The following SLC17A3 variants were observed in gnomAD, a reference collection of about 807,000 sequenced individuals.
SLC17A3 encodes the protein solute carrier family 17 member 3, also known as sodium-dependent phosphate transport protein 4.
In SLC17A3, 61 loss-of-function variants were observed where a neutral mutation model predicts 60.3. That is an observed-to-expected ratio of 1.01 (90% CI 0.82 to 1.25). SLC17A3 has a LOEUF of 1.25. Ranked by LOEUF, SLC17A3 falls within the 50% of genes most tolerant of loss-of-function variation. The pLI is 0.00. For synonymous variants in SLC17A3, 192 were observed against 208.9 expected (o/e 0.92, Z 0.70); for missense variants, 624 against 594.9 (o/e 1.05, Z -0.51).
chr6:25,859,058 T>G (rs1165169), intron 5 of SLC17A3, among the ~76,000 whole-genome samples: 36,947 of 152,148 alleles, frequency 0.24, 4,673 homozygotes, highest in African/African-American at 0.29. Context: ...TAAATTCACC[T>G]TATAAGACAT....
intron 2 of SLC17A3, among the ~76,000 whole-genome samples, chr6:25,867,259 T>C (rs1765551378): frequency 6.6e-6 from 1 of 151,978 alleles, no homozygotes; most frequent in Admixed American, 6.6e-5. Flanking sequence ...CTGCCTGAAT[T>C]TCTGCAGTAA....
Position 25,845,216 on chromosome 6 carries a change from C to T in SLC17A3, c.*85G>A. Reference sequence around the variant, plus strand: ...AAAAGAGCCACAGGAAAAAAAAAATCTTTTCACTGGTATTTTCATCACGGA... The same window carrying T: ...AAAAGAGCCACAGGAAAAAAAAAATTTTTTCACTGGTATTTTCATCACGGA... On this transcript the variant is annotated 3_prime_UTR_variant, in exon 13 of 13. Coordinates refer to ENST00000397060, the MANE Select transcript of SLC17A3 (RefSeq NM_001098486.2). 1.4e-6 allele frequency: 1 copy of T among 694,102 alleles called. No individual in the cohort carries two copies. Among genetic ancestry groups the T allele is most frequent in the Non-Finnish European group, 2.4e-6 (1 of 423,928 alleles). The allele number at this position is 694,102 out of a possible 1,614,324, so 43.0% of individuals were successfully genotyped here.
At position 25,850,596 on chromosome 6, in the gene SLC17A3, G is replaced by A; in HGVS notation, c.856C>T (p.Pro286Ser). 2 of 1,614,022 alleles carry A rather than the reference G, an allele frequency of 1.2e-6. No individual in the cohort carries two copies. Among genetic ancestry groups the A allele is most frequent in the Non-Finnish European group, 1.7e-6 (2 of 1,179,934 alleles). ...AGAGATCTGAGCATAGCTTTGATGG[G>A]AAGAGGCTGCTTAGAAGACCCGACC... Reference protein sequence around the residue: ...QQVGSSKQPLPIKAMLRSLPI... With the variant: ...QQVGSSKQPLSIKAMLRSLPI... The change falls in exon 8 of 13, where the codon CCC becomes TCC. Residue 286 changes from proline (P) to serine (S), a missense_variant. Coordinates refer to ENST00000397060, the MANE Select transcript of SLC17A3 (RefSeq NM_001098486.2).
Position 25,849,474 on chromosome 6 carries a change from A to G in SLC17A3, c.1272-10T>C, listed in dbSNP as rs372511423. 1 of 1,567,882 alleles carries G rather than the reference A, an allele frequency of 6.4e-7. No individual in the cohort carries two copies. The highest frequency in any genetic ancestry group is 8.8e-7 in the Non-Finnish European group (1 of 1,137,964). Reference sequence around the variant, plus strand: ...GAGAAAACTGGAATACCTGTGGGTGACAGGAATGTTCCGGTCTAGATCCAG... The same window carrying G: ...GAGAAAACTGGAATACCTGTGGGTGGCAGGAATGTTCCGGTCTAGATCCAG... On this transcript the variant is annotated splice_polypyrimidine_tract_variant and intron_variant, in intron 10 of 12. Coordinates refer to ENST00000397060, the MANE Select transcript of SLC17A3 (RefSeq NM_001098486.2).
intron 2 of SLC17A3, among the ~76,000 whole-genome samples, chr6:25,864,500 C>G (rs551365997): frequency 6.6e-6 from 1 of 151,874 alleles, no homozygotes; most frequent in Non-Finnish European, 1.5e-5. Flanking sequence ...TAAATCCCAG[C>G]GTGGAAAAAA....
intron 11 of SLC17A3, among the ~76,000 whole-genome samples, chr6:25,848,184 T>C (rs939309735): frequency 1.3e-5 from 2 of 152,232 alleles, no homozygotes; most frequent in African/African-American, 4.8e-5. Flanking sequence ...ATTTTTGCAA[T>C]TGTGAATTGT....
In SLC17A3 at chr6:25,861,719, T is replaced by TA; in HGVS notation, c.538-9dup. 6.2e-7 allele frequency: 1 copy of TA among 1,613,496 alleles called. No homozygotes were observed. Among genetic ancestry groups the TA allele is most frequent in the Non-Finnish European group, 8.5e-7 (1 of 1,179,434 alleles). The stretch of plus-strand genomic sequence containing the variant: ...ACCCCCAAGTATTGAGGACTGAAAT[T>TA]AAAATGATTAGAGTTCTTAATGTGT... On this transcript the variant is annotated splice_polypyrimidine_tract_variant and intron_variant, in intron 4 of 12. Transcript: ENST00000397060.
At chr6:25,847,084 C>T (rs1765186941) in intron 11 of SLC17A3, among the ~76,000 whole-genome samples, 2 of 152,044 alleles carry the variant, frequency 1.3e-5, no homozygotes, top group Admixed American at 6.6e-5. Context: ...CCACCCTTCA[C>T]TCTCAAGTAA....
intron 10 of SLC17A3, 86 bp from the exon 11 acceptor site, chr6:25,849,550 C>T: frequency 1.2e-6 from 1 of 838,286 alleles, no homozygotes; most frequent in African/African-American, 1.7e-5. Context: ...ATCTATAACT[C>T]AATTATATTT....
rs370706695 is a variant in SLC17A3 at position 25,857,170 on chromosome 6, C to T, written c.626-1940G>A. The stretch of plus-strand genomic sequence containing the variant: ...TGCCACTGCACTGTAGCCTGGGTGG[C>T]GAAGGGAGACCTTATCTCAAAAAAA... On this transcript the variant is annotated intron_variant, in intron 5 of 12. Transcript: ENST00000397060. 1.7e-4 allele frequency among the ~76,000 whole-genome samples: 25 copies of T among 149,746 alleles called. No homozygotes were observed. In the East Asian group the frequency reaches 3.3e-3, roughly 20 times the overall value.
intron 11 of SLC17A3, 103 bp downstream of exon 11, chr6:25,849,271 C>G (rs1239227584): frequency 2.7e-6 from 2 of 736,996 alleles, no homozygotes; most frequent in Non-Finnish European, 4.9e-6. Flanking sequence ...GACAAATTAC[C>G]CAAAATTTAA....
intron 5 of SLC17A3, among the ~76,000 whole-genome samples, chr6:25,859,549 C>T (rs1398541841): frequency 1.3e-5 from 2 of 152,190 alleles, no homozygotes; most frequent in Non-Finnish European, 1.5e-5. Flanking sequence ...ATTCTGTCTC[C>T]ATGTGCTCAA....
At chr6:25,850,648 G>A (rs1482592471) in intron 7 of SLC17A3, 28 bp from the exon 8 acceptor site, 3 of 1,613,708 alleles carry the variant, frequency 1.9e-6, no homozygotes, top group South Asian at 1.1e-5. Flanking sequence ...GGTCATAACG[G>A]TAAATCCGAC....
At chr6:25,848,663 G>GA (rs1283785480) in intron 11 of SLC17A3, among the ~76,000 whole-genome samples, 3 of 152,088 alleles carry the variant, frequency 2.0e-5, no homozygotes, top group Non-Finnish European at 4.4e-5. Flanking sequence ...GATAACATCA[G>GA]AAAAACCCTT....
intron 1 of SLC17A3, among the ~76,000 whole-genome samples, chr6:25,871,349 T>A (rs912030875): frequency 1.3e-5 from 2 of 151,940 alleles, no homozygotes; most frequent in African/African-American, 4.8e-5. Flanking sequence ...GGGACATGGA[T>A]GAAGCTGGAA....
rs1042842455 is a variant in SLC17A3 at position 25,846,673 on chromosome 6, C to T, written c.1363-1157G>A. Among the ~76,000 whole-genome samples, 21 of 152,220 alleles carry T rather than the reference C, an allele frequency of 1.4e-4. 1 individual carries two copies. The highest frequency in any genetic ancestry group is 1.1e-3 in the Admixed American group (17 of 15,298). On this transcript the variant is annotated intron_variant, in intron 11 of 12. Transcript: ENST00000397060. ...TCGCCCAGGCTGGAGTACAGTGGCACGATCTCGGCTCACTGCAGCCTCCGC... is the reference window on the plus strand; with the variant it reads ...TCGCCCAGGCTGGAGTACAGTGGCATGATCTCGGCTCACTGCAGCCTCCGC...
chr6:25,867,047 C>A lies in SLC17A3; in HGVS notation c.91+1250G>T, dbSNP rs142521506. Among the ~76,000 whole-genome samples, 256 of 152,076 alleles carry A rather than the reference C, an allele frequency of 1.7e-3. 1 individual carries two copies. The highest frequency in any genetic ancestry group is 6.0e-3 in the African/African-American group (249 of 41,522). On this transcript the variant is annotated intron_variant, in intron 2 of 12. Transcript: ENST00000397060. ...TCCAAAACCAAACTCTTGAGCCCTA[C>A]CACCTCAAAACTTCTACCCAGAGTC...
At chr6:25,845,614 C>A in intron 11 of SLC17A3, 98 bp from the exon 12 acceptor site, 1 of 1,393,138 alleles carries the variant, frequency 7.2e-7, no homozygotes, top group Non-Finnish European at 1.0e-6. Context: ...TGGTGGGTTT[C>A]CTTGTAGAAA....
Position 25,849,592 on chromosome 6 carries a change from A to G in SLC17A3, c.1272-128T>C, listed in dbSNP as rs878919418. The stretch of plus-strand genomic sequence containing the variant: ...TATATATAATTATAATTAGACAATT[A>G]TATCAAAAAGGACTTGCACTATGTA... On this transcript the variant is annotated intron_variant, in intron 10 of 12. Coordinates refer to ENST00000397060, the MANE Select transcript of SLC17A3 (RefSeq NM_001098486.2). The G allele has an allele frequency of 6.7e-5, 50 of 746,144 alleles. 1 individual carries two copies. In the South Asian group the frequency reaches 8.2e-4, roughly 12 times the overall value. The allele number at this position is 746,144 out of a possible 1,614,324, so 46.2% of individuals were successfully genotyped here.
Sources: allele counts gnomAD v4.1 joint callset (sites outside exome capture counted in the v4.1 genomes callset), GRCh38; gene constraint gnomAD v4.1.1; transcripts MANE v1.5; gene names NCBI Gene and HGNC (gene_info 2026-07-23, HGNC 2026-07-21).